Variants in TEX14 observed in about 807,000 individuals in gnomAD.
TEX14 encodes the protein testis expressed 14, intercellular bridge forming factor.
A neutral mutation model predicts 178.6 loss-of-function variants in TEX14; 168 were observed. The ratio of observed to expected loss-of-function variants is 0.94; its 90% CI spans 0.83 to 1.07. The LOEUF is 1.07. Ranked by LOEUF, TEX14 falls within the 50% of genes least tolerant of loss-of-function variation. TEX14 has a pLI of 0.00. For synonymous variants in TEX14, 626 were observed against 634.1 expected (o/e 0.99, Z 0.19); for missense variants, 1,730 against 1,753.6 (o/e 0.99, Z 0.24).
chr17:58,655,244 C>T (rs578244840), intron 1 of TEX14, among the ~76,000 whole-genome samples: 49 of 151,918 alleles, frequency 3.2e-4, no homozygotes, highest in Non-Finnish European at 5.6e-4. Flanking sequence ...AGTGCAGGGG[C>T]GCAATCTCAG....
intron 8 of TEX14, among the ~76,000 whole-genome samples, chr17:58,614,148 A>C (rs1284780598): frequency 6.6e-6 from 1 of 152,216 alleles, no homozygotes; most frequent in East Asian, 1.9e-4. Context: ...AACCACCTGC[A>C]AGAAATGTAT....
intron 1 of TEX14, among the ~76,000 whole-genome samples, chr17:58,680,768 T>C (rs1192482281): frequency 6.6e-6 from 1 of 151,888 alleles, no homozygotes. Context: ...AAAAACAAAT[T>C]AGAATTGGAG....
intron 1 of TEX14, among the ~76,000 whole-genome samples, chr17:58,654,494 A>AG (rs2046907722): frequency 6.7e-6 from 1 of 148,602 alleles, no homozygotes; most frequent in Non-Finnish European, 1.5e-5. Flanking sequence ...AAAAAAAAAA[A>AG]CAACTTGTAA....
At chr17:58,624,011 T>C (rs1391477885) in intron 3 of TEX14, among the ~76,000 whole-genome samples, 1 of 152,104 alleles carries the variant, frequency 6.6e-6, no homozygotes, top group Middle Eastern at 3.2e-3. Flanking sequence ...AGGCCGGGTG[T>C]GGTGGCTCAC....
chr17:58,647,614 CAA>C (rs67832814), intron 2 of TEX14, among the ~76,000 whole-genome samples: 259 of 115,224 alleles, frequency 2.2e-3, no homozygotes, highest in East Asian at 6.5e-3. Context: ...TGAGGTCAGG[CAA>C]AAAAAAAAAA....
At chr17:58,581,075 G>C (rs1253195242) in intron 19 of TEX14, among the ~76,000 whole-genome samples, 1 of 152,162 alleles carries the variant, frequency 6.6e-6, no homozygotes, top group African/African-American at 2.4e-5. Context: ...CATTTTGGGA[G>C]GCCGAGGCGG....
intron 2 of TEX14, among the ~76,000 whole-genome samples, chr17:58,644,836 A>G (rs1462456873): frequency 7.1e-6 from 1 of 139,876 alleles, no homozygotes; most frequent in African/African-American, 2.7e-5. Context: ...TTTTTAGTAG[A>G]GACAGGGTTT....
intron 10 of TEX14, among the ~76,000 whole-genome samples, chr17:58,610,642 T>C (rs139080717): frequency 1.1e-4 from 16 of 152,196 alleles, no homozygotes; most frequent in African/African-American, 3.6e-4. Context: ...TCCTAGCACT[T>C]TGGGAGGCCG....
At chr17:58,661,765 T>G (rs2047117002) in intron 1 of TEX14, 1 of 548,240 alleles carries the variant, frequency 1.8e-6, no homozygotes, top group South Asian at 2.7e-5. Context: ...GAGTCGGTTG[T>G]GCCGGGTCTG....
At chr17:58,633,584 C>CT (rs1290057353) in intron 2 of TEX14, among the ~76,000 whole-genome samples, 1 of 152,114 alleles carries the variant, frequency 6.6e-6, no homozygotes, top group Non-Finnish European at 1.5e-5. Flanking sequence ...AATCCCAGCA[C>CT]TTTGGGAGGC....
intron 2 of TEX14, among the ~76,000 whole-genome samples, chr17:58,646,129 AT>A (rs2143193662): frequency 6.6e-6 from 1 of 152,354 alleles, no homozygotes; most frequent in South Asian, 2.1e-4. Flanking sequence ...TGTCAACTGT[AT>A]TGAAATAACT....
chr17:58,682,669 C>T (rs773025230), intron 1 of TEX14, among the ~76,000 whole-genome samples: 6 of 152,282 alleles, frequency 3.9e-5, no homozygotes, highest in South Asian at 4.1e-4. Flanking sequence ...CCACCATGCC[C>T]GGCTGCCCAG....
At position 58,622,928 on chromosome 17, in the gene TEX14, T is replaced by A. The variant is rs2046034450; in HGVS notation, c.336A>T (p.Gly112=). Residue 112 remains glycine, a synonymous_variant, in exon 4 of 32, where the codon GGA becomes GGT. Coordinates refer to ENST00000349033, the MANE Select transcript of TEX14 (RefSeq NM_031272.5). Reference sequence around the variant, plus strand: ...TCTCATCGTGGAGTCGCAGGTCACCTCCTGCATCCAGCAGTTTGCTAAGGA... The same window carrying A: ...TCTCATCGTGGAGTCGCAGGTCACCACCTGCATCCAGCAGTTTGCTAAGGA... ...QWILSKLLDA[G]GDLRLHDERG... 2.5e-6 allele frequency: 4 copies of A among 1,613,102 alleles called. No individual in the cohort carries two copies. The highest frequency in any genetic ancestry group is 1.7e-4 in the Middle Eastern group (1 of 6,046).
intron 2 of TEX14, among the ~76,000 whole-genome samples, chr17:58,639,100 C>T (rs922600088): frequency 2.0e-5 from 3 of 151,152 alleles, no homozygotes; most frequent in Admixed American, 1.3e-4. Context: ...CTCCTGACCT[C>T]GTGATCCACC....
At position 58,573,211 on chromosome 17, in the gene TEX14, G is replaced by C. The variant is rs771787243; in HGVS notation, c.3481C>G (p.Pro1161Ala). 1.9e-6 allele frequency: 3 copies of C among 1,614,170 alleles called. No homozygotes were observed. In the South Asian group the frequency reaches 3.3e-5, roughly 18 times the overall value. ...SCKTPKINHA[P>A]TSVSTPLSPG... ...CTGAGTGGAGTGCTGACACTGGTAG[G>C]TGCATGGTTTATTTTGGGTGTTTTG... The change falls in exon 23 of 32, where the codon CCT becomes GCT. Residue 1161 changes from proline to alanine, a missense_variant. Around this residue, in one of 2 missense-constraint regions of TEX14, gnomAD observed 941 missense variants for 1,072.4 expected, o/e 0.88. Coordinates refer to ENST00000349033, the MANE Select transcript of TEX14 (RefSeq NM_031272.5).
chr17:58,624,241 C>T (rs1023029079), intron 3 of TEX14, among the ~76,000 whole-genome samples: 1 of 151,690 alleles, frequency 6.6e-6, no homozygotes, highest in East Asian at 2.0e-4. Flanking sequence ...TGCAGTGAGC[C>T]GAGATCATGC....
At chr17:58,667,793 G>C (rs2047238176) in intron 1 of TEX14, among the ~76,000 whole-genome samples, 1 of 151,732 alleles carries the variant, frequency 6.6e-6, no homozygotes, top group South Asian at 2.1e-4. Context: ...GCTGAGGCAG[G>C]AGAACTGCTT....
intron 19 of TEX14, 109 bp downstream of exon 19, chr17:58,584,391 A>G (rs1051436319): frequency 2.7e-6 from 2 of 747,906 alleles, no homozygotes; most frequent in Middle Eastern, 2.9e-4. Context: ...GCTCCAGCCA[A>G]AAAGAACTAC....
chr17:58,559,554 T>G lies in TEX14; in HGVS notation c.4166A>C (p.Asn1389Thr). ...TTCACCAACTTTTTGATCTTTGATA[T>G]TTGTCTCCCTGTAACAACAATTATT... The part of the protein sequence containing the change: ...DLPKGSERET[N>T]IKDQKVGEEK... Residue 1389 changes from asparagine (N) to threonine (T), a missense_variant, in exon 30 of 32, where the codon AAT becomes ACT. Asn to Thr is a moderately conservative substitution (Grantham distance 65). Around this residue, in one of 2 missense-constraint regions of TEX14, gnomAD observed 941 missense variants for 1,072.4 expected, o/e 0.88. Transcript: ENST00000349033. 6.7e-7 allele frequency: 1 copy of G among 1,484,644 alleles called. No homozygotes were observed. The highest frequency in any genetic ancestry group is 9.4e-7 in the Non-Finnish European group (1 of 1,064,778). 92.0% of individuals were successfully genotyped at this position (1,484,644 alleles called of 1,614,324 possible).
Sources: allele counts gnomAD v4.1 joint callset (sites outside exome capture counted in the v4.1 genomes callset), GRCh38; gene constraint gnomAD v4.1.1; regional missense constraint gnomAD v4.1.1; transcripts MANE v1.5; gene names NCBI Gene and HGNC (gene_info 2026-07-23, HGNC 2026-07-21).